Variants in CSMD1 observed in about 807,000 individuals in gnomAD.
The protein encoded by CSMD1 is CUB and Sushi multiple domains 1.
CSMD1 carries 213 observed loss-of-function variants against 417.5 expected under a neutral mutation model. The ratio of observed to expected loss-of-function variants is 0.51; its 90% confidence interval spans 0.46 to 0.57. CSMD1 has a LOEUF of 0.57. CSMD1 is among the 20% of genes least tolerant of loss of function. The probability of loss-of-function intolerance (pLI) is 0.00; values close to 1 mark genes in which losing one functional copy is unlikely to be tolerated. For missense variants in CSMD1, 6,923 were observed against 4,529.7 expected, an observed-to-expected ratio of 1.53 and a Z score of -15.17; for synonymous variants, 2,862 against 1,736.8, an observed-to-expected ratio of 1.65 and a Z score of -16.11.
intron 5 of CSMD1, among the ~76,000 whole-genome samples, chr8:3,889,488 T>TAC: frequency 9.5e-6 from 1 of 105,438 alleles, no homozygotes; most frequent in South Asian, 3.3e-4. Context: ...TATATATATA[T>TAC]ATATAAAATA....
At chr8:4,705,518 A>G (rs1363845157) in intron 1 of CSMD1, among the ~76,000 whole-genome samples, 1 of 152,228 alleles carries the variant, frequency 6.6e-6, no homozygotes, top group East Asian at 1.9e-4. Flanking sequence ...AAACGCGCAC[A>G]GCCTTTATCT....
intron 3 of CSMD1, among the ~76,000 whole-genome samples, chr8:4,361,678 C>T (rs1242741587): frequency 6.6e-6 from 1 of 152,174 alleles, no homozygotes; most frequent in Non-Finnish European, 1.5e-5. Flanking sequence ...CAGCCAGGTG[C>T]GACGGCTTGG....
chr8:4,945,260 G>A (rs1007697589), intron 1 of CSMD1, among the ~76,000 whole-genome samples: 10 of 152,276 alleles, frequency 6.6e-5, no homozygotes, highest in South Asian at 2.1e-4. Flanking sequence ...AACATGGGGA[G>A]TTACTGTTGA....
intron 6 of CSMD1, among the ~76,000 whole-genome samples, chr8:3,719,588 G>C (rs1181038824): frequency 6.6e-6 from 1 of 152,150 alleles, no homozygotes; most frequent in Admixed American, 6.5e-5. Flanking sequence ...TCTCTTGCAA[G>C]AGTGCTGTGA....
At chr8:4,036,289 G>A (rs1299315723) in intron 3 of CSMD1, among the ~76,000 whole-genome samples, 1 of 151,976 alleles carries the variant, frequency 6.6e-6, no homozygotes, top group Admixed American at 6.6e-5. Context: ...CTGTTGTTAT[G>A]GTCAAGCCTC....
intron 5 of CSMD1, among the ~76,000 whole-genome samples, chr8:3,948,446 T>A (rs1811382074): frequency 6.6e-6 from 1 of 152,120 alleles, no homozygotes. Flanking sequence ...TGTGACACAC[T>A]TTGAATGTGA....
intron 6 of CSMD1, among the ~76,000 whole-genome samples, chr8:3,750,002 G>C (rs1277921107): frequency 6.6e-6 from 1 of 152,038 alleles, no homozygotes; most frequent in East Asian, 1.9e-4. Context: ...TATCAATTCA[G>C]ATTTCTACCA....
At chr8:4,015,973 G>A (rs1796504188) in intron 4 of CSMD1, among the ~76,000 whole-genome samples, 2 of 152,196 alleles carry the variant, frequency 1.3e-5, no homozygotes, top group South Asian at 2.1e-4. Flanking sequence ...GGAGGGAAAT[G>A]TAGAAAAGCA....
chr8:3,296,435 C>A (rs79435271), intron 25 of CSMD1, among the ~76,000 whole-genome samples: 63 of 152,088 alleles, frequency 4.1e-4, no homozygotes, highest in African/African-American at 9.2e-4. Flanking sequence ...GAGGTGCCTA[C>A]GCACAGAGGG....
chr8:3,580,046 G>C (rs1392738735), intron 9 of CSMD1, among the ~76,000 whole-genome samples: 7 of 152,114 alleles, frequency 4.6e-5, no homozygotes, highest in African/African-American at 7.2e-5. Context: ...GGAAGTTGCA[G>C]CGAGCCAAGA....
intron 2 of CSMD1, among the ~76,000 whole-genome samples, chr8:4,518,262 C>G (rs1803231908): frequency 6.6e-6 from 1 of 152,220 alleles, no homozygotes; most frequent in Non-Finnish European, 1.5e-5. Flanking sequence ...AGACACAAAA[C>G]AGCAGCATCC....
chr8:3,076,238 T>C (rs1031012444), intron 49 of CSMD1, among the ~76,000 whole-genome samples: 28 of 103,970 alleles, frequency 2.7e-4, no homozygotes, highest in African/African-American at 1.1e-3. Flanking sequence ...CCTATCTCCT[T>C]TGTGTGTAGA....
chr8:3,766,793 G>A (rs557060726), intron 5 of CSMD1, among the ~76,000 whole-genome samples: 2 of 151,582 alleles, frequency 1.3e-5, no homozygotes, highest in South Asian at 4.2e-4. Flanking sequence ...CCTTAATCTT[G>A]GGATAAGAAC....
intron 7 of CSMD1, among the ~76,000 whole-genome samples, chr8:3,660,014 A>G (rs936067798): frequency 1.3e-5 from 2 of 152,352 alleles, no homozygotes; most frequent in South Asian, 2.1e-4. Flanking sequence ...ATACGTATCT[A>G]ATCGCCAAGC....
At chr8:4,443,368 G>A (rs529488498) in intron 2 of CSMD1, among the ~76,000 whole-genome samples, 71 of 152,224 alleles carry the variant, frequency 4.7e-4, no homozygotes, top group African/African-American at 1.6e-3. Flanking sequence ...TTGAAACAAC[G>A]GCTTTGATAA....
chr8:4,146,116 G>T (rs991705323), intron 3 of CSMD1, among the ~76,000 whole-genome samples: 1 of 150,794 alleles, frequency 6.6e-6, no homozygotes, highest in East Asian at 1.9e-4. Context: ...AATGGCAGTC[G>T]GTGAGGAATT....
intron 26 of CSMD1, among the ~76,000 whole-genome samples, chr8:3,274,623 G>A (rs2117175698): frequency 6.6e-6 from 1 of 152,214 alleles, no homozygotes; most frequent in Non-Finnish European, 1.5e-5. Flanking sequence ...TGTATTGGGT[G>A]CATATATATT....
chr8:3,210,669 T>C (rs1266194969), intron 30 of CSMD1, among the ~76,000 whole-genome samples: 3 of 148,916 alleles, frequency 2.0e-5, no homozygotes, highest in Non-Finnish European at 4.4e-5. Context: ...ATTATACATA[T>C]ATATACACAC....
intron 11 of CSMD1, among the ~76,000 whole-genome samples, chr8:3,492,783 G>A (rs1474945044): frequency 6.6e-6 from 1 of 152,140 alleles, no homozygotes. Flanking sequence ...TGTTTGCTAA[G>A]ACTCTGGAAT....
Sources: gnomAD v4.1 joint callset for allele counts (sites outside exome capture counted in the v4.1 genomes callset) on GRCh38, gnomAD v4.1.1 for gene constraint, MANE v1.5 for transcripts, NCBI Gene and HGNC (gene_info 2026-07-23, HGNC 2026-07-21) for gene names.